Variants in ZFP30 observed in about 807,000 individuals in gnomAD.
ZFP30 encodes the protein zinc finger protein 30 homolog.
ZFP30 carries 16 observed loss-of-function variants against 12.3 expected under a neutral mutation model. That is an observed-to-expected ratio of 1.30 (90% CI 0.88 to 1.98). ZFP30 has a LOEUF of 1.98. ZFP30 is among the 30% of genes most tolerant of loss of function. The pLI is 0.00. For synonymous variants in ZFP30, 172 were observed against 201.0 expected (o/e 0.86, Z 1.22); for missense variants, 560 against 611.2 (o/e 0.92, Z 0.88).
Position 37,634,781 on chromosome 19 carries a change from AT to A in ZFP30, c.*199del. ...GTAATAAAGTTCTTTTCTAGGATGA[AT>A]TTCCTAAAGTTTAACATGGTTTCAA... On this transcript the variant is annotated 3_prime_UTR_variant, in exon 6 of 6. Coordinates refer to ENST00000684514, the MANE Select transcript of ZFP30 (RefSeq NM_001320669.3). 1 of 539,592 alleles carries A rather than the reference AT, an allele frequency of 1.9e-6. No individual in the cohort carries two copies. The highest frequency in any genetic ancestry group is 2.9e-6 in the Non-Finnish European group (1 of 341,786). The allele number at this position is 539,592 out of a possible 1,614,324, so 33.4% of individuals were successfully genotyped here.
At chr19:37,636,623 G>T (rs557647289) in intron 5 of ZFP30, among the ~76,000 whole-genome samples, 40 of 152,020 alleles carry the variant, frequency 2.6e-4, no homozygotes, top group African/African-American at 9.4e-4. Flanking sequence ...CGAACACAAG[G>T]TATCAACTCA....
intron 5 of ZFP30, among the ~76,000 whole-genome samples, chr19:37,637,750 A>C (rs2044360071): frequency 6.6e-6 from 1 of 152,098 alleles, no homozygotes; most frequent in Non-Finnish European, 1.5e-5. Flanking sequence ...AGCCTCCCAA[A>C]GTGCTGGGAT....
At chr19:37,651,557 C>T (rs2044651940) in intron 2 of ZFP30, 1 of 135,478 alleles carries the variant, frequency 7.4e-6, no homozygotes, top group Admixed American at 8.1e-5. Flanking sequence ...GCCTGGGCGA[C>T]AGAGCAAGAC....
chr19:37,642,475 T>C (rs923213315), intron 5 of ZFP30, among the ~76,000 whole-genome samples: 14 of 152,204 alleles, frequency 9.2e-5, no homozygotes, highest in African/African-American at 3.4e-4. Context: ...TTCATTATAA[T>C]TCTCCATATC....
Position 37,634,936 on chromosome 19 carries a change from C to A in ZFP30, c.*45G>T. ...AAAACCTTTCCTCTAGAATGTACTT[C>A]CTATGCTCAACATAAAATTCGCAAA... is the stretch of plus-strand genomic sequence containing the variant. On this transcript the variant is annotated 3_prime_UTR_variant, in exon 6 of 6. Coordinates refer to ENST00000684514, the MANE Select transcript of ZFP30 (RefSeq NM_001320669.3). 1 of 1,496,520 alleles carries A rather than the reference C, an allele frequency of 6.7e-7. No homozygotes were observed. The highest frequency in any genetic ancestry group is 8.9e-7 in the Non-Finnish European group (1 of 1,127,034). The allele number at this position is 1,496,520 out of a possible 1,614,324, so 92.7% of individuals were successfully genotyped here.
intron 5 of ZFP30, among the ~76,000 whole-genome samples, chr19:37,638,051 T>C (rs973678659): frequency 2.0e-5 from 3 of 152,180 alleles, no homozygotes; most frequent in East Asian, 1.9e-4. Flanking sequence ...CCTACAGAGA[T>C]GGGAAACAAG....
At chr19:37,654,184 C>G (rs1330410424) in intron 2 of ZFP30, among the ~76,000 whole-genome samples, 1 of 152,148 alleles carries the variant, frequency 6.6e-6, no homozygotes, top group Non-Finnish European at 1.5e-5. Context: ...ATTTAAGTGG[C>G]AGTCAGGATT....
In ZFP30 at chr19:37,635,082, T is replaced by C; in HGVS notation, c.1459A>G (p.Ile487Val). 1 of 1,613,400 alleles carries C rather than the reference T, an allele frequency of 6.2e-7. No individual in the cohort carries two copies. Among genetic ancestry groups the C allele is most frequent in the Non-Finnish European group, 8.5e-7 (1 of 1,179,700 alleles). The change falls in exon 6 of 6, where the codon ATT becomes GTT. Residue 487 changes from isoleucine (I) to valine (V), a missense_variant. Ile to Val is a conservative substitution (Grantham distance 29). Transcript: ENST00000684514. ...TTGTATGGTTTCTCACCAGAATGAA[T>C]TCTCTGATGTTGAATCAGTGATGAA... The part of the protein sequence containing the change: ...LHSSLIQHQR[I>V]HSGEKPYKCK...
intron 4 of ZFP30, 54 bp downstream of exon 4, chr19:37,644,556 G>A: frequency 1.5e-6 from 2 of 1,314,264 alleles, no homozygotes. Flanking sequence ...AGACAGCCCA[G>A]AAATTCAGTC....
rs1261036917 is a variant in ZFP30 at position 37,634,235 on chromosome 19, GA to G, written c.*745del. ...CATGTAATTTACTCTTCCATTCCTT[GA>G]ATTTTCTCTAAACTGGGAGTTGGCT... On this transcript the variant is annotated 3_prime_UTR_variant, in exon 6 of 6. Transcript: ENST00000684514. The G allele has an allele frequency of 6.6e-6, 1 of 152,052 alleles. No homozygotes were observed. The highest frequency in any genetic ancestry group is 6.6e-5 in the Admixed American group (1 of 15,256). The allele number at this position is 152,052 out of a possible 1,614,324, so 9.4% of individuals were successfully genotyped here. A position where few individuals can be genotyped will look rare whatever the true frequency, so the allele number is the denominator to read the frequency against.
At chr19:37,652,208 T>C (rs953980544) in intron 2 of ZFP30, among the ~76,000 whole-genome samples, 5 of 152,204 alleles carry the variant, frequency 3.3e-5, no homozygotes, top group Non-Finnish European at 2.9e-5. Context: ...ATTCCTCTTT[T>C]AAACTAAGAA....
At position 37,635,884 on chromosome 19, in the gene ZFP30, A is replaced by G. The variant is rs187387400; in HGVS notation, c.657T>C (p.Cys219=). 121 of 1,614,150 alleles carry G rather than the reference A, an allele frequency of 7.5e-5. No homozygotes were observed. The East Asian group carries it at 2.4e-3, about 32-fold the overall frequency. The change falls in exon 6 of 6, where the codon TGT becomes TGC. Residue 219 remains cysteine (C), a synonymous_variant. Transcript: ENST00000684514. ...CTGAGCCACATGTGAAGATCTTTCC[A>G]CATTTTTTACATTCATAGAGTTTGT... The part of the protein sequence containing the change: ...TSDKLYECKK[C]GKIFTCGSDL...
chr19:37,638,628 T>C (rs2044375301), intron 5 of ZFP30, among the ~76,000 whole-genome samples: 1 of 152,232 alleles, frequency 6.6e-6, no homozygotes, highest in African/African-American at 2.4e-5. Context: ...GGCATATTAA[T>C]ACATCGCAAT....
intron 2 of ZFP30, among the ~76,000 whole-genome samples, chr19:37,651,824 T>TA (rs1458603439): frequency 6.6e-6 from 1 of 152,118 alleles, no homozygotes; most frequent in African/African-American, 2.4e-5. Context: ...AGTCATTTCT[T>TA]AAAAAATTTA....
chr19:37,643,647 G>A (rs1484007368), intron 4 of ZFP30, among the ~76,000 whole-genome samples: 11 of 152,124 alleles, frequency 7.2e-5, no homozygotes, highest in Non-Finnish European at 1.2e-4. Context: ...TTTCTCAGAC[G>A]TGAAAAAGGG....
intron 4 of ZFP30, 83 bp downstream of exon 4, chr19:37,644,527 C>T (rs1159903630): frequency 3.2e-5 from 44 of 1,374,926 alleles, no homozygotes; most frequent in East Asian, 1.6e-4. Context: ...AGCGAGACTT[C>T]GTCTTTGGAA....
rs2044718879 is a variant in ZFP30 at position 37,654,809 on chromosome 19, G to A, written c.-175C>T. 1 of 152,252 alleles carries A rather than the reference G, an allele frequency of 6.6e-6. No individual in the cohort carries two copies. Among genetic ancestry groups the A allele is most frequent in the Non-Finnish European group, 1.5e-5 (1 of 68,140 alleles). The allele number at this position is 152,252 out of a possible 1,614,324, so 9.4% of individuals were successfully genotyped here. On this transcript the variant is annotated 5_prime_UTR_variant, in exon 2 of 6. Coordinates refer to ENST00000684514, the MANE Select transcript of ZFP30 (RefSeq NM_001320669.3). ...GGCTGGGGAAGCAGGCAGAGTTCAG[G>A]ACACCCCAGGCTTTTCTTGACTCGA...
intron 2 of ZFP30, among the ~76,000 whole-genome samples, chr19:37,650,442 GAACAAAAATTCAA>G (rs2044626353): frequency 6.6e-6 from 1 of 151,952 alleles, no homozygotes; most frequent in African/African-American, 2.4e-5. Flanking sequence ...ACTTATACCT[GAACAAAAATTCAA>G]AACAGCTATG....
At position 37,641,414 on chromosome 19, in the gene ZFP30, A is replaced by C. The variant is rs117743344; in HGVS notation, c.235+1851T>G. 2.6e-5 allele frequency among the ~76,000 whole-genome samples: 4 copies of C among 152,270 alleles called. No homozygotes were observed. In the East Asian group the frequency reaches 5.8e-4, roughly 22 times the overall value. On this transcript the variant is annotated intron_variant, in intron 5 of 5. Coordinates refer to ENST00000684514, the MANE Select transcript of ZFP30 (RefSeq NM_001320669.3). ...ATTGCCTCACCACCATTTTCTTTTT[A>C]TCTCTCAGTAACTCTAAAACAAACA... is the stretch of plus-strand genomic sequence containing the variant.
Sources: gnomAD v4.1 joint callset for allele counts (sites outside exome capture counted in the v4.1 genomes callset) on GRCh38, gnomAD v4.1.1 for gene constraint, MANE v1.5 for transcripts, NCBI Gene and HGNC (gene_info 2026-07-23, HGNC 2026-07-21) for gene names.